PCDHGB1: variants seen among roughly 807,000 people sequenced by gnomAD.
PCDHGB1 encodes protocadherin gamma subfamily B, 1.
Under a neutral mutation model 56.6 loss-of-function variants are expected in PCDHGB1, and 34 were observed. The ratio of observed to expected loss-of-function variants is 0.60; its 90% CI spans 0.46 to 0.80. PCDHGB1 has a LOEUF of 0.80. PCDHGB1 is among the 30% of genes least tolerant of loss of function. PCDHGB1 has a pLI of 0.00. For missense variants in PCDHGB1, 1,278 were observed against 1,204.6 expected (o/e 1.06, Z -0.90); for synonymous variants, 561 against 505.9 (o/e 1.11, Z -1.46).
At chr5:141,466,104 AGAGT>A (rs2154569127) in intron 1 of PCDHGB1, among the ~76,000 whole-genome samples, 1 of 152,144 alleles carries the variant, frequency 6.6e-6, no homozygotes, top group Admixed American at 6.5e-5. Flanking sequence ...CCTGGGCAAC[AGAGT>A]GAGACTCCAG....
intron 1 of PCDHGB1, chr5:141,371,014 A>G (rs765278378): frequency 8.7e-6 from 14 of 1,613,890 alleles, no homozygotes; most frequent in South Asian, 1.1e-5. Flanking sequence ...GAGCAGCCAC[A>G]TCACCACCTG....
intron 1 of PCDHGB1, among the ~76,000 whole-genome samples, chr5:141,457,480 G>T (rs566798464): frequency 6.6e-6 from 1 of 152,148 alleles, no homozygotes; most frequent in African/African-American, 2.4e-5. Context: ...GCAGGGCCAG[G>T]GTTAGTCTAA....
chr5:141,421,265 T>G (rs2154549151), intron 1 of PCDHGB1: 1 of 1,596,914 alleles, frequency 6.3e-7, no homozygotes, highest in Non-Finnish European at 8.5e-7. Flanking sequence ...CGCAGTCGGC[T>G]GCTGCTGCTG....
chr5:141,438,152 G>A (rs184819165), intron 1 of PCDHGB1, among the ~76,000 whole-genome samples: 1 of 152,250 alleles, frequency 6.6e-6, no homozygotes, highest in African/African-American at 2.4e-5. Flanking sequence ...CCAGCCTATG[G>A]CAAAGCTAAT....
chr5:141,475,139 C>T (rs928313061), intron 1 of PCDHGB1, among the ~76,000 whole-genome samples: 2 of 151,928 alleles, frequency 1.3e-5, no homozygotes, highest in African/African-American at 4.8e-5. Flanking sequence ...TTTTTGAAAT[C>T]TTCTCCGTCT....
intron 1 of PCDHGB1, chr5:141,409,341 G>A (rs753232321): frequency 1.9e-6 from 3 of 1,613,976 alleles, no homozygotes; most frequent in Non-Finnish European, 2.5e-6. Flanking sequence ...GGAGGAAATG[G>A]AGAAGTCAGG....
intron 1 of PCDHGB1, 42 bp downstream of exon 1, chr5:141,352,711 C>T (rs1332083598): frequency 5.8e-6 from 9 of 1,542,040 alleles, no homozygotes; most frequent in African/African-American, 4.1e-5. Context: ...ATATGGCGGC[C>T]GGGCGCGGTG....
intron 1 of PCDHGB1, chr5:141,362,455 T>C (rs1762512121): frequency 6.2e-7 from 1 of 1,614,010 alleles, no homozygotes; most frequent in Non-Finnish European, 8.5e-7. Flanking sequence ...AACCCCGGAA[T>C]TGGTTCCCGC....
chr5:141,458,464 G>A (rs1035826436), intron 1 of PCDHGB1, among the ~76,000 whole-genome samples: 30 of 152,030 alleles, frequency 2.0e-4, no homozygotes, highest in Admixed American at 9.8e-4. Flanking sequence ...TTAAAATACC[G>A]TACAACTGCA....
At chr5:141,454,666 A>G (rs1561955978) in intron 1 of PCDHGB1, among the ~76,000 whole-genome samples, 1 of 152,104 alleles carries the variant, frequency 6.6e-6, no homozygotes, top group Non-Finnish European at 1.5e-5. Context: ...TCGGCCTCCC[A>G]AAACACTGGG....
At chr5:141,361,241 T>A in intron 1 of PCDHGB1, 2 of 1,613,960 alleles carry the variant, frequency 1.2e-6, no homozygotes, top group Non-Finnish European at 1.7e-6. Flanking sequence ...ATCGCCTTGA[T>A]AAAAACGAGA....
chr5:141,355,254 T>G (rs754855559), intron 1 of PCDHGB1: 1 of 1,613,332 alleles, frequency 6.2e-7, no homozygotes, highest in South Asian at 1.1e-5. Flanking sequence ...AGATCTGCCT[T>G]CTCCTGGGGG....
intron 1 of PCDHGB1, chr5:141,392,890 T>G (rs2092623202): frequency 3.1e-6 from 5 of 1,613,418 alleles, no homozygotes; most frequent in Admixed American, 1.7e-5. Context: ...CTGTGGGAAA[T>G]CGGGAGGGGA....
intron 1 of PCDHGB1, among the ~76,000 whole-genome samples, chr5:141,405,996 G>A (rs2094743914): frequency 6.6e-6 from 1 of 151,746 alleles, no homozygotes; most frequent in Non-Finnish European, 1.5e-5. Flanking sequence ...GTAGCTCTCA[G>A]CCTGCATTGA....
chr5:141,435,334 T>A (rs1223377462), intron 1 of PCDHGB1, among the ~76,000 whole-genome samples: 1 of 152,196 alleles, frequency 6.6e-6, no homozygotes, highest in African/African-American at 2.4e-5. Flanking sequence ...ATATAGTGAA[T>A]TTATTTCTTC....
intron 1 of PCDHGB1, among the ~76,000 whole-genome samples, chr5:141,439,532 C>T (rs1030997598): frequency 6.6e-6 from 1 of 152,202 alleles, no homozygotes; most frequent in Admixed American, 6.5e-5. Context: ...CTACAGAACG[C>T]TGTCCTCTCA....
intron 1 of PCDHGB1, chr5:141,370,790 C>G: frequency 6.2e-7 from 1 of 1,614,040 alleles, no homozygotes; most frequent in East Asian, 2.2e-5. Context: ...ACCCACCGAC[C>G]TTTAGCCAAA....
At chr5:141,398,387 G>T in intron 1 of PCDHGB1, 2 of 1,455,430 alleles carry the variant, frequency 1.4e-6, no homozygotes, top group Non-Finnish European at 1.9e-6. Context: ...TTGCTTGTGA[G>T]CAGCAGGCTA....
At chr5:141,390,553 A>G in intron 1 of PCDHGB1, 3 of 476,468 alleles carry the variant, frequency 6.3e-6, no homozygotes, top group Non-Finnish European at 1.1e-5. Context: ...TGAAAGTGTT[A>G]GACAGTTGTT....
Sources: allele counts gnomAD v4.1 joint callset (sites outside exome capture counted in the v4.1 genomes callset), GRCh38; gene constraint gnomAD v4.1.1; transcripts MANE v1.5; gene names NCBI Gene and HGNC (gene_info 2026-07-23, HGNC 2026-07-21).